FGF14: variants seen among roughly 807,000 people sequenced by gnomAD.
FGF14 encodes fibroblast growth factor 14.
A neutral mutation model predicts 25.5 loss-of-function variants in FGF14; 5 were observed. The observed-to-expected ratio is 0.20, with a 90% CI of 0.10 to 0.41. The LOEUF (loss-of-function observed/expected upper bound fraction) is 0.41. Among genes scored for constraint, FGF14 ranks in the 10% least tolerant of loss-of-function variants. The pLI is 1.00. For synonymous variants in FGF14, 138 were observed against 118.3 expected (o/e 1.17, Z -1.08); for missense variants, 222 against 320.1 (o/e 0.69, Z 2.34).
intron 1 of FGF14, among the ~76,000 whole-genome samples, chr13:102,001,504 C>T (rs1262268931): frequency 6.6e-6 from 1 of 152,126 alleles, no homozygotes; most frequent in Non-Finnish European, 1.5e-5. Flanking sequence ...TGCCAGGTAC[C>T]CTTGAGGGTT....
In FGF14 at chr13:102,114,997, T is replaced by A. The variant is rs552324049; in HGVS notation, c.209-239701A>T. On this transcript the variant is annotated intron_variant, in intron 1 of 4. Coordinates refer to the FGF14 transcript ENST00000376131. ...CTCTTACAGTAAAATAAAATAAACA[T>A]TTCATTGTATAGCCTTTTAAAAGGC... 1.4e-4 allele frequency among the ~76,000 whole-genome samples: 21 copies of A among 152,214 alleles called. 1 individual carries two copies. The South Asian group carries it at 4.2e-3, about 30-fold the overall frequency.
rs1224909489 is a variant in FGF14 at position 101,715,818 on chromosome 13, G to C, written c.*7013C>G. The C allele has an allele frequency of 4.1e-6, 2 of 483,458 alleles. No homozygotes were observed. Among genetic ancestry groups the C allele is most frequent in the East Asian group, 6.4e-5 (2 of 31,398 alleles). The allele number at this position is 483,458 out of a possible 1,614,324, so 29.9% of individuals were successfully genotyped here. A position where few individuals can be genotyped will look rare whatever the true frequency, so the allele number is the denominator to read the frequency against. ...AAATCCGAGTACCTATTAGAAATGAGTTATGCAAATTTAGATGCAAATAAC... is the reference window on the plus strand; with the variant it reads ...AAATCCGAGTACCTATTAGAAATGACTTATGCAAATTTAGATGCAAATAAC... On this transcript the variant is annotated 3_prime_UTR_variant, in exon 5 of 5. Transcript: ENST00000376143.
intron 3 of FGF14, among the ~76,000 whole-genome samples, chr13:101,753,331 G>T (rs990088245): frequency 7.0e-6 from 1 of 142,962 alleles, no homozygotes; most frequent in African/African-American, 2.6e-5. Context: ...ACACACACAC[G>T]GTCTGTAATT....
intron 3 of FGF14, among the ~76,000 whole-genome samples, chr13:101,750,936 G>C (rs1013597693): frequency 6.6e-6 from 1 of 152,136 alleles, no homozygotes; most frequent in African/African-American, 2.4e-5. Flanking sequence ...AGTCTGAAAA[G>C]CCTATACACT....
intron 1 of FGF14, among the ~76,000 whole-genome samples, chr13:101,967,202 C>T (rs1023811331): frequency 2.0e-5 from 3 of 152,148 alleles, no homozygotes; most frequent in Non-Finnish European, 4.4e-5. Flanking sequence ...TCATCCCAAA[C>T]CTACCGAATC....
At chr13:102,156,500 G>A (rs1439752920) in intron 1 of FGF14, among the ~76,000 whole-genome samples, 5 of 152,164 alleles carry the variant, frequency 3.3e-5, no homozygotes, top group South Asian at 2.1e-4. Context: ...AGGTATTGAT[G>A]GGACATATCT....
intron 1 of FGF14, chr13:102,292,617 G>A (rs964628470): frequency 6.6e-6 from 1 of 152,286 alleles, no homozygotes; most frequent in African/African-American, 2.4e-5. Context: ...CAAGTCGAAA[G>A]TCAGCAAAAC....
intron 1 of FGF14, among the ~76,000 whole-genome samples, chr13:102,009,211 A>G (rs931938468): frequency 1.3e-5 from 2 of 152,164 alleles, no homozygotes; most frequent in Non-Finnish European, 2.9e-5. Context: ...CATGCTTGAA[A>G]TCATATTTTG....
intron 3 of FGF14, among the ~76,000 whole-genome samples, chr13:101,797,596 T>C (rs1015668317): frequency 6.6e-6 from 1 of 152,130 alleles, no homozygotes; most frequent in South Asian, 2.1e-4. Context: ...CAAGCTTTGA[T>C]TTCAGCCTTT....
chr13:101,781,824 G>C (rs2039505734), intron 3 of FGF14, among the ~76,000 whole-genome samples: 1 of 152,154 alleles, frequency 6.6e-6, no homozygotes, highest in Admixed American at 6.5e-5. Flanking sequence ...AATATTACTA[G>C]GTAATTGATT....
intron 1 of FGF14, among the ~76,000 whole-genome samples, chr13:102,105,275 AT>A (rs1051837506): frequency 9.9e-5 from 15 of 152,142 alleles, no homozygotes; most frequent in Non-Finnish European, 2.2e-4. Context: ...AAAAATCCTT[AT>A]TTTTTTAAGA....
chr13:102,342,436 A>G (rs2056980227), intron 1 of FGF14, among the ~76,000 whole-genome samples: 1 of 152,174 alleles, frequency 6.6e-6, no homozygotes, highest in African/African-American at 2.4e-5. Flanking sequence ...TAAACTTTAA[A>G]AAAAAATATG....
intron 3 of FGF14, among the ~76,000 whole-genome samples, chr13:101,764,225 G>T (rs763408543): frequency 2.0e-5 from 3 of 152,164 alleles, no homozygotes; most frequent in Admixed American, 6.5e-5. Context: ...TGAACCCTGG[G>T]ATAGTTTCCG....
At chr13:102,279,456 G>T (rs950990706) in intron 1 of FGF14, among the ~76,000 whole-genome samples, 3 of 152,008 alleles carry the variant, frequency 2.0e-5, no homozygotes, top group African/African-American at 7.2e-5. Flanking sequence ...AGTTGCCAGG[G>T]TTTGCTTCTT....
At chr13:102,401,458 A>G in intron 1 of FGF14, 1 of 1,612,526 alleles carries the variant, frequency 6.2e-7, no homozygotes, top group Non-Finnish European at 8.5e-7. Context: ...AACATGATGC[A>G]TGTTTCGCTT....
At chr13:101,924,134 A>G (rs2034198259) in intron 1 of FGF14, among the ~76,000 whole-genome samples, 1 of 152,116 alleles carries the variant, frequency 6.6e-6, no homozygotes, top group Non-Finnish European at 1.5e-5. Context: ...CAACAGAAAA[A>G]AAATTACTCA....
intron 1 of FGF14, among the ~76,000 whole-genome samples, chr13:102,217,733 A>G (rs1566828083): frequency 6.6e-6 from 1 of 152,192 alleles, no homozygotes; most frequent in Admixed American, 6.5e-5. Flanking sequence ...ACAACTCCGC[A>G]GGCAGAGCAA....
At chr13:102,153,211 C>T (rs990790998) in intron 1 of FGF14, among the ~76,000 whole-genome samples, 2 of 152,180 alleles carry the variant, frequency 1.3e-5, no homozygotes, top group African/African-American at 2.4e-5. Flanking sequence ...GAACTAACTG[C>T]CAAGATTAGC....
chr13:101,967,809 T>TG (rs1467691329), intron 1 of FGF14: 9 of 153,998 alleles, frequency 5.8e-5, no homozygotes, highest in Admixed American at 2.0e-4. Context: ...CAAAACCTAT[T>TG]GCATGGCTTA....
Sources: gnomAD v4.1 joint callset for allele counts (sites outside exome capture counted in the v4.1 genomes callset) on GRCh38, gnomAD v4.1.1 for gene constraint, MANE v1.5 for transcripts, NCBI Gene and HGNC (gene_info 2026-07-23, HGNC 2026-07-21) for gene names.